GALNT13: variants seen among roughly 807,000 people sequenced by gnomAD.
The protein encoded by GALNT13 is UDP-GalNAc:polypeptide N-acetylgalactosaminyltransferase 13.
A neutral mutation model predicts 64.2 loss-of-function variants in GALNT13; 28 were observed. That is an observed-to-expected ratio of 0.44 (90% CI 0.32 to 0.60). The LOEUF (loss-of-function observed/expected upper bound fraction) is 0.60. Ranked by LOEUF, GALNT13 falls within the 20% of genes least tolerant of loss-of-function variation. The probability of loss-of-function intolerance (pLI) is 0.05; values close to 1 mark genes in which losing one functional copy is unlikely to be tolerated. For synonymous variants in GALNT13, 214 were observed against 224.6 expected, an observed-to-expected ratio of 0.95 and a Z score of 0.42; for missense variants, 577 against 669.8, an observed-to-expected ratio of 0.86 and a Z score of 1.53.
At chr2:153,695,366 C>A in the GALNT13 span, among the ~76,000 whole-genome samples, 1 of 152,180 alleles carries the variant, frequency 6.6e-6, no homozygotes, top group Admixed American at 6.5e-5. Context: ...AGTCAAGGGC[C>A]TAACTTGCAA....
At chr2:154,234,889 G>T (rs974791957) in intron 4 of GALNT13, among the ~76,000 whole-genome samples, 2 of 151,940 alleles carry the variant, frequency 1.3e-5, no homozygotes, top group African/African-American at 4.8e-5. Context: ...CTAGTCTATT[G>T]GATTTGATAG....
intron 2 of GALNT13, among the ~76,000 whole-genome samples, chr2:153,939,822 C>G (rs1027310142): frequency 5.9e-5 from 9 of 152,290 alleles, no homozygotes; most frequent in African/African-American, 2.2e-4. Context: ...CATCCCTGTA[C>G]TCATCCTAGC....
chr2:154,189,928 T>C (rs1686480240), intron 4 of GALNT13, among the ~76,000 whole-genome samples: 1 of 152,332 alleles, frequency 6.6e-6, no homozygotes, highest in East Asian at 1.9e-4. Flanking sequence ...TGTTCTATTG[T>C]TAGCTTTAAT....
chr2:153,611,334 T>A, the GALNT13 span, among the ~76,000 whole-genome samples: 1 of 152,088 alleles, frequency 6.6e-6, no homozygotes, highest in Non-Finnish European at 1.5e-5. Flanking sequence ...TGAGTAAAGC[T>A]CCAGGCCCCT....
the GALNT13 span, among the ~76,000 whole-genome samples, chr2:153,830,076 A>G: frequency 6.6e-6 from 1 of 152,196 alleles, no homozygotes; most frequent in African/African-American, 2.4e-5. Flanking sequence ...ATCATTCACT[A>G]TTCTGAAATG....
At chr2:153,950,298 C>T (rs943854141) in intron 3 of GALNT13, among the ~76,000 whole-genome samples, 6 of 151,592 alleles carry the variant, frequency 4.0e-5, no homozygotes, top group African/African-American at 1.2e-4. Flanking sequence ...AAAAAATGGG[C>T]AACAGAACTG....
intron 12 of GALNT13, among the ~76,000 whole-genome samples, chr2:154,449,174 A>G (rs535847054): frequency 1.8e-3 from 278 of 152,014 alleles, no homozygotes; most frequent in African/African-American, 6.5e-3. Flanking sequence ...AAGAGCAACA[A>G]CAAAGGTCTC....
At chr2:153,369,272 C>G in the GALNT13 span, among the ~76,000 whole-genome samples, 1 of 151,604 alleles carries the variant, frequency 6.6e-6, no homozygotes, top group Non-Finnish European at 1.5e-5. Flanking sequence ...AAAGAGCTGA[C>G]TAAACTCAAA....
chr2:153,139,867 G>A, the GALNT13 span, among the ~76,000 whole-genome samples: 13 of 152,082 alleles, frequency 8.5e-5, no homozygotes, highest in South Asian at 2.7e-3. Context: ...ATATAATAAA[G>A]GATACAGAAT....
At chr2:153,447,112 T>A in the GALNT13 span, among the ~76,000 whole-genome samples, 1 of 152,202 alleles carries the variant, frequency 6.6e-6, no homozygotes, top group Non-Finnish European at 1.5e-5. Flanking sequence ...TAAATAAGTC[T>A]TGTCGCCCTA....
the GALNT13 span, among the ~76,000 whole-genome samples, chr2:153,306,313 G>A: frequency 6.6e-6 from 1 of 152,166 alleles, no homozygotes; most frequent in Admixed American, 6.5e-5. Flanking sequence ...ACTAACTTCA[G>A]CTTCTTTTTT....
intron 2 of GALNT13, among the ~76,000 whole-genome samples, chr2:153,917,833 TAGAG>T (rs761079611): frequency 7.9e-5 from 12 of 151,384 alleles, no homozygotes; most frequent in South Asian, 4.2e-4. Context: ...GTTCAACTGA[TAGAG>T]AGGGAGGATA....
At chr2:154,130,240 C>G (rs1486768168) in intron 3 of GALNT13, among the ~76,000 whole-genome samples, 4 of 152,064 alleles carry the variant, frequency 2.6e-5, no homozygotes, top group Admixed American at 2.0e-4. Context: ...TGACCTCATT[C>G]ATCTTCTGTC....
chr2:154,326,641 T>C (rs562397871), intron 9 of GALNT13, among the ~76,000 whole-genome samples: 8 of 152,250 alleles, frequency 5.3e-5, no homozygotes, highest in East Asian at 3.9e-4. Context: ...AAAAATGGAA[T>C]CTGAAATTCT....
chr2:153,334,831 A>G, the GALNT13 span, among the ~76,000 whole-genome samples: 1 of 152,108 alleles, frequency 6.6e-6, no homozygotes, highest in Non-Finnish European at 1.5e-5. Context: ...CTTGAGGACT[A>G]TCCTCTGAAT....
At chr2:154,024,994 G>C (rs1388607624) in intron 3 of GALNT13, among the ~76,000 whole-genome samples, 1 of 152,182 alleles carries the variant, frequency 6.6e-6, no homozygotes, top group African/African-American at 2.4e-5. Context: ...AGCAGCGGTG[G>C]CTGCAGAACA....
intron 4 of GALNT13, among the ~76,000 whole-genome samples, chr2:154,170,011 G>A (rs1685265260): frequency 1.3e-5 from 2 of 152,084 alleles, no homozygotes; most frequent in African/African-American, 4.8e-5. Context: ...CTGAATTTCA[G>A]GCAGACCAAA....
chr2:154,011,224 G>GTGATTAGTGCTGTAAA (rs1558906230), intron 3 of GALNT13, among the ~76,000 whole-genome samples: 1 of 151,880 alleles, frequency 6.6e-6, no homozygotes, highest in African/African-American at 2.4e-5. Flanking sequence ...TTGTGATGTA[G>GTGATTAGTGCTGTAAA]CTTTCTTCTT....
In GALNT13 at chr2:154,286,164, A is replaced by G. The variant is rs78236367; in HGVS notation, c.976-15245A>G. On this transcript the variant is annotated intron_variant, in intron 8 of 12. Coordinates refer to ENST00000392825, the MANE Select transcript of GALNT13 (RefSeq NM_052917.4). ...ATTTCACTTCTTCTTTTCATATATG[A>G]TGTCTTTAGCTTATTCTTGCCTAAA... is the stretch of plus-strand genomic sequence containing the variant. Among the ~76,000 whole-genome samples the G allele has an allele frequency of 6.2e-3, 949 of 152,212 alleles. 16 individuals are homozygous for G. The highest frequency in any genetic ancestry group is 0.058 in the East Asian group (301 of 5,152).
Sources: allele counts gnomAD v4.1 joint callset (sites outside exome capture counted in the v4.1 genomes callset), GRCh38; gene constraint gnomAD v4.1.1; transcripts MANE v1.5; gene names NCBI Gene and HGNC (gene_info 2026-07-23, HGNC 2026-07-21).